Variants in RFLNA observed in about 807,000 individuals in gnomAD.
The protein encoded by RFLNA is refilin-A.
In RFLNA, 5 loss-of-function variants were observed where a neutral mutation model predicts 7.8. That is an observed-to-expected ratio of 0.64 (90% CI 0.34 to 1.35). The LOEUF is 1.35. Ranked by LOEUF, RFLNA falls within the 40% of genes most tolerant of loss-of-function variation. The pLI, the probability that RFLNA is intolerant of heterozygous loss-of-function variation, is 0.04. For missense variants in RFLNA, 278 were observed against 305.5 expected (o/e 0.91, Z 0.67); for synonymous variants, 141 against 131.3 (o/e 1.07, Z -0.50).
At chr12:124,297,862 C>T (rs776564204) in intron 1 of RFLNA, among the ~76,000 whole-genome samples, 19 of 152,210 alleles carry the variant, frequency 1.2e-4, no homozygotes, top group Non-Finnish European at 2.2e-4. Flanking sequence ...CCCACCTCCC[C>T]GTTAACTCCC....
rs952651374 is a variant in RFLNA at position 124,306,442 on chromosome 12, C to T, written c.208-5376C>T. 1.3e-5 allele frequency among the ~76,000 whole-genome samples: 2 copies of T among 151,982 alleles called. No individual in the cohort carries two copies. Among genetic ancestry groups the T allele is most frequent in the Admixed American group, 6.6e-5 (1 of 15,264 alleles). ...GCCGAGACAGGAACAGGCAGAGGCC[C>T]GAGTGGGAATCCTTGAGCCTGTGTC... On this transcript the variant is annotated intron_variant, in intron 1 of 2. Coordinates refer to ENST00000546355, the MANE Select transcript of RFLNA (RefSeq NM_001365156.1). This position sits in a 1 kb window ranked among gnomAD's most constrained non-coding sequence, Gnocchi z 5.2.
chr12:124,301,136 G>A (rs1032799331), intron 1 of RFLNA, among the ~76,000 whole-genome samples: 2 of 152,230 alleles, frequency 1.3e-5, no homozygotes, highest in Non-Finnish European at 2.9e-5. Flanking sequence ...GACAAGGTGG[G>A]AGGGAGAAGC....
rs1406038291 is a variant in RFLNA at position 124,303,729 on chromosome 12, C to T, written c.208-8089C>T. Among the ~76,000 whole-genome samples the T allele has an allele frequency of 2.0e-5, 3 of 152,248 alleles. No individual in the cohort carries two copies. In the East Asian group the frequency reaches 5.8e-4, roughly 29 times the overall value. ...CAGGATGTGGGCCTTGCCGATGGCA[C>T]AGCCTCGTTTCACAGATGAGCAAAC... On this transcript the variant is annotated intron_variant, in intron 1 of 2. Transcript: ENST00000546355.
At chr12:124,309,480 C>T (rs1001009989) in intron 1 of RFLNA, among the ~76,000 whole-genome samples, 5 of 152,234 alleles carry the variant, frequency 3.3e-5, no homozygotes, top group Non-Finnish European at 5.9e-5. Context: ...GAACGAAAGG[C>T]GTTCTGCTGT....
chr12:124,289,436 C>T lies in RFLNA; in HGVS notation c.-37+66C>T, dbSNP rs2033784323. 6.6e-6 allele frequency: 1 copy of T among 152,230 alleles called. No individual in the cohort carries two copies. Among genetic ancestry groups the T allele is most frequent in the South Asian group, 2.1e-4 (1 of 4,832 alleles). The allele number at this position is 152,230 out of a possible 1,614,324, so 9.4% of individuals were successfully genotyped here. A position where few individuals can be genotyped will look rare whatever the true frequency, so the allele number is the denominator to read the frequency against. ...GCTGCGGGAAAGCCAAGCCAGGACG[C>T]TGGGTGGCAGACCGTTAGAACAGCT... On this transcript the variant is annotated intron_variant, in intron 1 of 2. Coordinates refer to the RFLNA transcript ENST00000324038. The surrounding 1 kb of genome is among the most constrained non-coding windows in gnomAD (Gnocchi z 5.0).
intron 2 of RFLNA, 135 bp downstream of exon 2, chr12:124,312,062 C>T (rs1393871722): frequency 1.9e-6 from 2 of 1,080,202 alleles, no homozygotes; most frequent in East Asian, 3.1e-5. Context: ...CAGGCAGCCC[C>T]TCTGGGTGCT....
At chr12:124,292,237 C>A (rs2033835280), upstream of RFLNA, among the ~76,000 whole-genome samples, 1 of 152,200 alleles carries the variant, frequency 6.6e-6, no homozygotes, top group Non-Finnish European at 1.5e-5. Flanking sequence ...TCCCTTAGCA[C>A]AGCATAAGGG....
Position 124,311,898 on chromosome 12 carries a change from GGT to G in RFLNA, c.290_291del (p.Val97GlufsTer7). ...CAGTGTTCTTTGGGGAGAGCATCAA[GGT>G]GAACCCGGAACCCACGCATGAGATC... ...LPVFFGESIK[V>X]NPEPTHEIRC... On this transcript the variant is annotated frameshift_variant, in exon 2 of 3. Transcript: ENST00000546355. LOFTEE classifies it low-confidence loss of function (END_TRUNC). 1 of 1,598,068 alleles carries G rather than the reference GGT, an allele frequency of 6.3e-7. No individual in the cohort carries two copies. Among genetic ancestry groups the G allele is most frequent in the Non-Finnish European group, 8.5e-7 (1 of 1,172,864 alleles).
chr12:124,309,345 C>G (rs747426600), intron 1 of RFLNA, among the ~76,000 whole-genome samples: 1 of 152,226 alleles, frequency 6.6e-6, no homozygotes, highest in South Asian at 2.1e-4. Flanking sequence ...ACTGGTGGGA[C>G]ACTGGTGGGA....
At position 124,314,464 on chromosome 12, in the gene RFLNA, G is replaced by A. The variant is rs2034312977; in HGVS notation, c.590G>A (p.Ser197Asn). 1 of 1,599,632 alleles carries A rather than the reference G, an allele frequency of 6.3e-7. No individual in the cohort carries two copies. The highest frequency in any genetic ancestry group is 1.3e-5 in the African/African-American group (1 of 75,042). Residue 197 changes from serine to asparagine, a missense_variant, in exon 3 of 3, where the codon AGC becomes AAC. By Grantham distance (46) the Ser-to-Asn change is conservative (BLOSUM62 1). Coordinates refer to ENST00000546355, the MANE Select transcript of RFLNA (RefSeq NM_001365156.1). ...CGGCCCAGCCGCTGGTTCACCGCCA[G>A]CGTGCAGCTGCAGCTTTGCCAGGAC... Reference protein sequence around the residue: ...LGRPSRWFTASVQLQLCQDPA... With the variant: ...LGRPSRWFTANVQLQLCQDPA...
intron 1 of RFLNA, among the ~76,000 whole-genome samples, chr12:124,302,872 G>GAGGTCAGGGGCCA: frequency 6.6e-6 from 1 of 150,586 alleles, no homozygotes. Context: ...GTCAGGGGCC[G>GAGGTCAGGGGCCA]AGGTCAGGGG....
chr12:124,314,344 C>G lies in RFLNA; in HGVS notation c.470C>G (p.Pro157Arg). The change falls in exon 3 of 3, where the codon CCA becomes CGA. Residue 157 changes from proline to arginine, a missense_variant. By Grantham distance (103) the Pro-to-Arg change is moderately radical. Coordinates refer to ENST00000546355, the MANE Select transcript of RFLNA (RefSeq NM_001365156.1). ...RNYRSQLTLE[P>R]RPRALRFRST... ...TACCGCAGCCAGCTGACCCTGGAGC[C>G]ACGCCCGCGCGCCCTGCGCTTCCGC... 1 of 1,613,454 alleles carries G rather than the reference C, an allele frequency of 6.2e-7. No homozygotes were observed. Among genetic ancestry groups the G allele is most frequent in the Non-Finnish European group, 8.5e-7 (1 of 1,179,984 alleles).
upstream of RFLNA, among the ~76,000 whole-genome samples, chr12:124,293,085 G>A (rs11615503): frequency 0.61 from 92,204 of 151,844 alleles, 29,464 homozygotes; most frequent in Non-Finnish European, 0.73. Context: ...CACCACGCCC[G>A]GCTAATTTTT....
rs2135663859 is a variant in RFLNA at position 124,289,387 on chromosome 12, C to A, written c.-37+17C>A. 6.6e-6 allele frequency: 1 copy of A among 152,308 alleles called. No homozygotes were observed. Among genetic ancestry groups the A allele is most frequent in the Non-Finnish European group, 1.5e-5 (1 of 68,036 alleles). The allele number at this position is 152,308 out of a possible 1,614,324, so 9.4% of individuals were successfully genotyped here. Reference sequence around the variant, plus strand: ...AGCTGTGAGGTGAGTCCAGCAGCCCCACTGTGGAGTGGGAACGGGAGGGGC... The same window carrying A: ...AGCTGTGAGGTGAGTCCAGCAGCCCAACTGTGGAGTGGGAACGGGAGGGGC... On this transcript the variant is annotated intron_variant, in intron 1 of 2. Coordinates refer to the RFLNA transcript ENST00000324038. The surrounding 1 kb of genome is among the most constrained non-coding windows in gnomAD (Gnocchi z 5.0).
At chr12:124,311,735 A>G (rs939391357) in intron 1 of RFLNA, 83 bp from the exon 2 acceptor site, 1 of 1,261,608 alleles carries the variant, frequency 7.9e-7, no homozygotes, top group Non-Finnish European at 1.1e-6. Flanking sequence ...AGAGGGTGTC[A>G]GGTGGTCCTG....
rs2033889803 is a variant in RFLNA at position 124,295,428 on chromosome 12, A to T, written c.-2A>T. The T allele has an allele frequency of 8.2e-6, 10 of 1,222,866 alleles. No homozygotes were observed. Among genetic ancestry groups the T allele is most frequent in the Non-Finnish European group, 1.0e-5 (10 of 984,156 alleles). The allele number at this position is 1,222,866 out of a possible 1,614,324, so 75.8% of individuals were successfully genotyped here. A position where few individuals can be genotyped will look rare whatever the true frequency, so the allele number is the denominator to read the frequency against. ...GGGGCCCGCGCCCCGCGCCCCCCAG[A>T]CATGGTGGGCCACCTGCATCTGCAG... On this transcript the variant is annotated 5_prime_UTR_variant, in exon 1 of 3. Coordinates refer to ENST00000546355, the MANE Select transcript of RFLNA (RefSeq NM_001365156.1).
chr12:124,310,623 G>A (rs889822713), intron 1 of RFLNA, among the ~76,000 whole-genome samples: 4 of 150,422 alleles, frequency 2.7e-5, no homozygotes, highest in Non-Finnish European at 5.9e-5. Context: ...GAGCAGGATG[G>A]GGTGGGGGTC....
chr12:124,314,686 C>T lies in RFLNA; in HGVS notation c.*161C>T, dbSNP rs1394907412. The T allele has an allele frequency of 3.5e-5, 41 of 1,163,086 alleles. No individual in the cohort carries two copies. The highest frequency in any genetic ancestry group is 4.8e-5 in the Non-Finnish European group (39 of 807,000). 72.0% of individuals were successfully genotyped at this position (1,163,086 alleles called of 1,614,324 possible). The stretch of plus-strand genomic sequence containing the variant: ...GAAGGAGGCGGCTCCCCGCTGCCTG[C>T]CCTGACCTACAGGCTAGGTGGTGGT... On this transcript the variant is annotated 3_prime_UTR_variant, in exon 3 of 3. Coordinates refer to ENST00000546355, the MANE Select transcript of RFLNA (RefSeq NM_001365156.1).
chr12:124,301,413 C>G (rs1225506046), intron 1 of RFLNA, among the ~76,000 whole-genome samples: 6 of 152,226 alleles, frequency 3.9e-5, no homozygotes, highest in Non-Finnish European at 8.8e-5. Flanking sequence ...GGGGAAAATG[C>G]TGCCAGACAG....
Sources: gnomAD v4.1 joint callset for allele counts (sites outside exome capture counted in the v4.1 genomes callset) on GRCh38, gnomAD v4.1.1 for gene constraint, Gnocchi (gnomAD v3.1) non-coding constraint, MANE v1.5 for transcripts, NCBI Gene and HGNC (gene_info 2026-07-23, HGNC 2026-07-21) for gene names.